The following LARGE1 variants were observed in gnomAD, a reference collection of about 807,000 sequenced individuals.
LARGE1 encodes the protein LARGE xylosyl- and glucuronyltransferase 1, also known as xylosyl- and glucuronyltransferase LARGE1.
In LARGE1, 43 loss-of-function variants were observed where a neutral mutation model predicts 87.6. The ratio of observed to expected loss-of-function variants is 0.49; its 90% CI spans 0.38 to 0.63. The LOEUF (loss-of-function observed/expected upper bound fraction) is 0.63, where lower values mean the gene tolerates loss of function less well. LARGE1 is among the 30% of genes least tolerant of loss of function. LARGE1 has a pLI of 0.00. For synonymous variants in LARGE1, 434 were observed against 394.6 expected, an observed-to-expected ratio of 1.10 and a Z score of -1.18; for missense variants, 802 against 1,000.2, an observed-to-expected ratio of 0.80 and a Z score of 2.67.
intron 2 of LARGE1, among the ~76,000 whole-genome samples, chr22:33,674,131 G>A (rs1358285792): frequency 6.7e-6 from 1 of 149,968 alleles, no homozygotes; most frequent in Non-Finnish European, 1.5e-5. Context: ...TTTTAGTAGA[G>A]ACGGGTTTCG....
At position 33,848,424 on chromosome 22, in the gene LARGE1, T is replaced by C. The variant is rs534566215; in HGVS notation, c.-83+71571A>G. 2.6e-5 allele frequency among the ~76,000 whole-genome samples: 4 copies of C among 152,076 alleles called. No individual in the cohort carries two copies. The East Asian group carries it at 7.8e-4, about 30-fold the overall frequency. The stretch of plus-strand genomic sequence containing the variant: ...TGAGAGTCTTTGGCCAGCCCTCTAT[T>C]TCTCTCTCCACCCCCAGCCCTGCAC... On this transcript the variant is annotated intron_variant, in intron 1 of 14. Transcript: ENST00000397394.
At chr22:33,450,073 G>A (rs147240850) in intron 6 of LARGE1, among the ~76,000 whole-genome samples, 2,871 of 151,976 alleles carry the variant, frequency 0.019, 83 homozygotes, top group African/African-American at 0.066. Context: ...CACCACGCCC[G>A]GCTAATTTTT....
chr22:33,193,019 C>T (rs1274102108), intron 11 of LARGE1, among the ~76,000 whole-genome samples: 1 of 151,866 alleles, frequency 6.6e-6, no homozygotes, highest in Non-Finnish European at 1.5e-5. Context: ...TTCCATTGTC[C>T]TACTTTTCAT....
intron 5 of LARGE1, among the ~76,000 whole-genome samples, chr22:33,594,916 T>G (rs141728968): frequency 4.1e-4 from 63 of 152,300 alleles, no homozygotes; most frequent in Admixed American, 1.2e-3. Context: ...TGAAGTTGTT[T>G]CTTAACAGAA....
chr22:33,571,956 A>T (rs1251231244), intron 5 of LARGE1, among the ~76,000 whole-genome samples: 7 of 152,166 alleles, frequency 4.6e-5, no homozygotes, highest in Non-Finnish European at 1.0e-4. Flanking sequence ...TTTTTCAAAC[A>T]ATTAGGTACA....
intron 4 of LARGE1, among the ~76,000 whole-genome samples, chr22:33,617,857 C>G (rs1297293462): frequency 6.6e-6 from 1 of 152,206 alleles, no homozygotes; most frequent in African/African-American, 2.4e-5. Context: ...TAACTGCTCC[C>G]TTGTTCCAGG....
At chr22:33,863,571 C>T (rs1014592897) in intron 1 of LARGE1, among the ~76,000 whole-genome samples, 1 of 149,152 alleles carries the variant, frequency 6.7e-6, no homozygotes, top group Non-Finnish European at 1.5e-5. Context: ...GCCTGACCAA[C>T]ATGGTGAAAC....
Position 33,650,583 on chromosome 22 carries a change from G to T in LARGE1, c.192C>A (p.Ser64Arg). 1 of 1,606,156 alleles carries T rather than the reference G, an allele frequency of 6.2e-7. No homozygotes were observed. The change falls in exon 3 of 15, where the codon AGC becomes AGA. Residue 64 changes from serine (S) to arginine (R), a missense_variant. By Grantham distance (110) the Ser-to-Arg change is moderately radical (BLOSUM62 -1). Coordinates refer to ENST00000397394, the MANE Select transcript of LARGE1 (RefSeq NM_133642.5). ...CCACCTCGCGCATGCGCACCTCCAG[G>T]CTCTCGCGCTCCCGCTGGCTGGAGG... Reference protein sequence around the residue: ...YTASSQRERESLEVRMREVEE... With the variant: ...YTASSQRERERLEVRMREVEE...
chr22:33,775,207 G>C (rs1389826257), intron 1 of LARGE1, among the ~76,000 whole-genome samples: 1 of 152,208 alleles, frequency 6.6e-6, no homozygotes, highest in Non-Finnish European at 1.5e-5. Context: ...TCCCACAGCT[G>C]TAAGAGAGGC....
At chr22:33,535,953 A>G (rs899211124) in intron 6 of LARGE1, among the ~76,000 whole-genome samples, 2 of 151,978 alleles carry the variant, frequency 1.3e-5, no homozygotes, top group African/African-American at 4.8e-5. Flanking sequence ...ACTTTGAGAG[A>G]CCATGGAAAT....
chr22:33,694,165 G>A (rs2082177489), intron 2 of LARGE1, among the ~76,000 whole-genome samples: 3 of 152,208 alleles, frequency 2.0e-5, no homozygotes, highest in Admixed American at 2.0e-4. Flanking sequence ...GTAAGATAAA[G>A]TGCTACCAAC....
chr22:33,820,422 A>G (rs1417314869), intron 1 of LARGE1, among the ~76,000 whole-genome samples: 2 of 152,022 alleles, frequency 1.3e-5, no homozygotes, highest in African/African-American at 4.8e-5. Context: ...CGGGGGCTCA[A>G]CAGATCCTCC....
At chr22:33,544,676 C>T (rs2077303499) in intron 6 of LARGE1, among the ~76,000 whole-genome samples, 1 of 115,632 alleles carries the variant, frequency 8.6e-6, no homozygotes, top group Admixed American at 9.3e-5. Context: ...GAGCAAGACC[C>T]TGTCTCAAAA....
chr22:33,457,556 A>G (rs902688361), intron 6 of LARGE1, among the ~76,000 whole-genome samples: 3 of 152,082 alleles, frequency 2.0e-5, no homozygotes, highest in Non-Finnish European at 4.4e-5. Flanking sequence ...GCTGACCTCA[A>G]ACACACTACA....
intron 6 of LARGE1, among the ~76,000 whole-genome samples, chr22:33,552,786 G>A (rs569397237): frequency 1.3e-3 from 201 of 152,330 alleles, no homozygotes; most frequent in Middle Eastern, 3.4e-3. Context: ...TCACATCTCA[G>A]TTTCGGAAAT....
At chr22:33,196,748 G>C (rs1924104238) in intron 11 of LARGE1, among the ~76,000 whole-genome samples, 1 of 151,732 alleles carries the variant, frequency 6.6e-6, no homozygotes, top group African/African-American at 2.4e-5. Context: ...AGAATAAGGA[G>C]GAGGAATAAA....
intron 9 of LARGE1, among the ~76,000 whole-genome samples, chr22:33,344,650 T>C (rs1939537276): frequency 6.6e-6 from 1 of 152,188 alleles, no homozygotes; most frequent in African/African-American, 2.4e-5. Context: ...GATATATATA[T>C]ATATTTTTAT....
the LARGE1 span, among the ~76,000 whole-genome samples, chr22:33,078,843 G>A: frequency 1.2e-4 from 19 of 152,342 alleles, no homozygotes; most frequent in Middle Eastern, 6.8e-3. Context: ...TCAAAGGAGA[G>A]GGTTAGAGGC....
chr22:33,530,461 CTTTT>C (rs5845091), intron 6 of LARGE1, among the ~76,000 whole-genome samples: 6 of 128,908 alleles, frequency 4.7e-5, no homozygotes, highest in Admixed American at 7.7e-5. Context: ...CTTGCTGAGG[CTTTT>C]TTTTTTTTTT....
Sources: gnomAD v4.1 joint callset for allele counts (sites outside exome capture counted in the v4.1 genomes callset) on GRCh38, gnomAD v4.1.1 for gene constraint, MANE v1.5 for transcripts, NCBI Gene and HGNC (gene_info 2026-07-23, HGNC 2026-07-21) for gene names.